Variants in RNF125 observed in about 807,000 individuals in gnomAD.
RNF125 encodes E3 ubiquitin-protein ligase RNF125.
A neutral mutation model predicts 26.0 loss-of-function variants in RNF125; 21 were observed. The observed-to-expected ratio is 0.81, with a 90% CI of 0.57 to 1.16. The LOEUF (loss-of-function observed/expected upper bound fraction) is 1.16, where lower values mean the gene tolerates loss of function less well. Ranked by LOEUF, RNF125 falls within the 50% of genes most tolerant of loss-of-function variation. The pLI is 0.00. For synonymous variants in RNF125, 95 were observed against 109.2 expected, an observed-to-expected ratio of 0.87 and a Z score of 0.81; for missense variants, 270 against 299.4, an observed-to-expected ratio of 0.90 and a Z score of 0.72.
At chr18:32,030,590 C>A (rs1402034787) in intron 1 of RNF125, among the ~76,000 whole-genome samples, 1 of 152,178 alleles carries the variant, frequency 6.6e-6, no homozygotes, top group Non-Finnish European at 1.5e-5. Flanking sequence ...AAATAAAATT[C>A]TAAGGCCCCC....
chr18:32,039,717 C>T (rs1222250731), intron 2 of RNF125, among the ~76,000 whole-genome samples: 1 of 151,686 alleles, frequency 6.6e-6, no homozygotes, highest in African/African-American at 2.4e-5. Flanking sequence ...GGAAATCCAC[C>T]ACTCCCCCTC....
chr18:32,076,167 G>A (rs867689727), downstream of RNF125: 20 of 542,768 alleles, frequency 3.7e-5, no homozygotes, highest in African/African-American at 1.7e-4. Flanking sequence ...GTTAGAAACC[G>A]GATGATGACT....
At chr18:32,089,129 G>A in the RNF125 span, among the ~76,000 whole-genome samples, 1 of 152,318 alleles carries the variant, frequency 6.6e-6, no homozygotes, top group South Asian at 2.1e-4. Flanking sequence ...GGTGAAGCTA[G>A]GACATATCTC....
At position 32,045,848 on chromosome 18, in the gene RNF125, G is replaced by A. The variant is rs936373660; in HGVS notation, c.504+116G>A. 8 of 632,534 alleles carry A rather than the reference G, an allele frequency of 1.3e-5. No individual in the cohort carries two copies. In the South Asian group the frequency reaches 1.4e-4, roughly 11 times the overall value. 39.2% of individuals were successfully genotyped at this position (632,534 alleles called of 1,614,324 possible). On this transcript the variant is annotated intron_variant, in intron 4 of 5. Coordinates refer to ENST00000217740, the MANE Select transcript of RNF125 (RefSeq NM_017831.4). ...TATAAAGGATAATTATTTAAGTTAA[G>A]GTTATGGTAACTCTGTGACTGTTTA...
intron 4 of RNF125, among the ~76,000 whole-genome samples, chr18:32,056,711 T>A (rs1598823426): frequency 6.6e-6 from 1 of 151,228 alleles, no homozygotes; most frequent in South Asian, 2.1e-4. Context: ...AAAAAAAATT[T>A]AAAAAAAAGA....
intron 4 of RNF125, among the ~76,000 whole-genome samples, chr18:32,062,830 AGTT>A (rs1411406215): frequency 6.6e-6 from 1 of 152,182 alleles, no homozygotes; most frequent in African/African-American, 2.4e-5. Flanking sequence ...TAATTCACTG[AGTT>A]GTTGTGAGGA....
At chr18:32,023,040 T>A (rs776080035) in intron 1 of RNF125, among the ~76,000 whole-genome samples, 2 of 152,124 alleles carry the variant, frequency 1.3e-5, no homozygotes, top group African/African-American at 2.4e-5. Flanking sequence ...TGCAGTGTAG[T>A]GGTGCAATCA....
intron 1 of RNF125, among the ~76,000 whole-genome samples, chr18:32,022,204 G>A (rs996818732): frequency 1.3e-5 from 2 of 152,168 alleles, no homozygotes; most frequent in Non-Finnish European, 2.9e-5. Context: ...GGTTTATGCT[G>A]ATTTTTGTTT....
At chr18:32,029,684 A>G (rs1051070520) in intron 1 of RNF125, among the ~76,000 whole-genome samples, 1 of 152,194 alleles carries the variant, frequency 6.6e-6, no homozygotes, top group Non-Finnish European at 1.5e-5. Flanking sequence ...GATTGAAAAC[A>G]GTAGATGCAA....
chr18:32,029,122 CT>C (rs2039068218), intron 1 of RNF125, among the ~76,000 whole-genome samples: 1 of 152,096 alleles, frequency 6.6e-6, no homozygotes, highest in Admixed American at 6.5e-5. Context: ...TATAGCCTCA[CT>C]TTTAGCTTAG....
downstream of RNF125, among the ~76,000 whole-genome samples, chr18:32,075,025 C>T (rs1459385068): frequency 3.3e-5 from 5 of 152,150 alleles, no homozygotes; most frequent in Non-Finnish European, 7.4e-5. Flanking sequence ...TCAGTGTACT[C>T]CTTGTGTGCC....
Position 32,068,518 on chromosome 18 carries a change from T to G in RNF125, c.*134T>G. 3.5e-6 allele frequency: 2 copies of G among 577,524 alleles called. No homozygotes were observed. 35.8% of individuals were successfully genotyped at this position (577,524 alleles called of 1,614,324 possible). On this transcript the variant is annotated 3_prime_UTR_variant, in exon 6 of 6. Transcript: ENST00000217740. The stretch of plus-strand genomic sequence containing the variant: ...CAGTTATGTGTTTGTCCATGTTTAT[T>G]GTTATAGTGCATTTAAAAACTGCTT...
intron 4 of RNF125, among the ~76,000 whole-genome samples, chr18:32,054,648 C>G (rs2039362875): frequency 6.6e-6 from 1 of 152,156 alleles, no homozygotes. Context: ...CCATTTCTGA[C>G]CTGCCCAAGG....
intron 3 of RNF125, among the ~76,000 whole-genome samples, chr18:32,043,188 T>A (rs2039237167): frequency 1.3e-5 from 2 of 152,038 alleles, no homozygotes; most frequent in Admixed American, 6.6e-5. Flanking sequence ...ATTCTCCTGA[T>A]GAGAAAGGTA....
Position 32,068,508 on chromosome 18 carries a change from C to A in RNF125, c.*124C>A. 1 of 629,228 alleles carries A rather than the reference C, an allele frequency of 1.6e-6. No individual in the cohort carries two copies. The allele number at this position is 629,228 out of a possible 1,614,324, so 39.0% of individuals were successfully genotyped here. A position where few individuals can be genotyped will look rare whatever the true frequency, so the allele number is the denominator to read the frequency against. ...ATGTACAACACAGTTATGTGTTTGT[C>A]CATGTTTATTGTTATAGTGCATTTA... is the stretch of plus-strand genomic sequence containing the variant. On this transcript the variant is annotated 3_prime_UTR_variant, in exon 6 of 6. Coordinates refer to ENST00000217740, the MANE Select transcript of RNF125 (RefSeq NM_017831.4).
chr18:32,060,577 C>T lies in RNF125; in HGVS notation c.505-5325C>T, dbSNP rs1478524395. 2.6e-5 allele frequency among the ~76,000 whole-genome samples: 4 copies of T among 152,070 alleles called. 1 individual carries two copies. The South Asian group carries it at 6.2e-4, about 24-fold the overall frequency. ...TAATATAAGTAGTATAGCCTGGGAGCATTGAGTAGAGACAAGTAAGAAAGG... is the reference window on the plus strand; with the variant it reads ...TAATATAAGTAGTATAGCCTGGGAGTATTGAGTAGAGACAAGTAAGAAAGG... On this transcript the variant is annotated intron_variant, in intron 4 of 5. Transcript: ENST00000217740.
chr18:32,062,051 T>G (rs982363734), intron 4 of RNF125, among the ~76,000 whole-genome samples: 1 of 152,180 alleles, frequency 6.6e-6, no homozygotes, highest in Admixed American at 6.5e-5. Context: ...TATGTGGCAT[T>G]TATTGAATGT....
chr18:32,028,007 G>A (rs1316334850), intron 1 of RNF125, among the ~76,000 whole-genome samples: 1 of 151,854 alleles, frequency 6.6e-6, no homozygotes, highest in Non-Finnish European at 1.5e-5. Context: ...AGAAAGAATG[G>A]GCAGTAGTCG....
At chr18:32,051,018 T>C (rs79743274) in intron 4 of RNF125, among the ~76,000 whole-genome samples, 11,867 of 151,432 alleles carry the variant, frequency 0.078, 1,542 homozygotes, top group African/African-American at 0.27. Flanking sequence ...CCACCGCGCC[T>C]GGCCTCAAAG....
Sources: gnomAD v4.1 joint callset for allele counts (sites outside exome capture counted in the v4.1 genomes callset) on GRCh38, gnomAD v4.1.1 for gene constraint, MANE v1.5 for transcripts, NCBI Gene and HGNC (gene_info 2026-07-23, HGNC 2026-07-21) for gene names.